Variants in DSCAM observed in about 807,000 individuals in gnomAD.
DSCAM encodes the protein DS cell adhesion molecule, also known as cell adhesion molecule DSCAM.
Under a neutral mutation model 217.7 loss-of-function variants are expected in DSCAM, and 47 were observed. The observed-to-expected ratio is 0.22, with a 90% confidence interval of 0.17 to 0.28. The LOEUF is 0.28. DSCAM is among the 10% of genes least tolerant of loss of function. The pLI is 1.00. For synonymous variants in DSCAM, 1,056 were observed against 1,015.3 expected, an observed-to-expected ratio of 1.04 and a Z score of -0.76; for missense variants, 2,080 against 2,618.3, an observed-to-expected ratio of 0.79 and a Z score of 4.49.
intron 1 of DSCAM, among the ~76,000 whole-genome samples, chr21:40,716,536 G>C (rs1419469986): frequency 6.6e-6 from 1 of 152,170 alleles, no homozygotes; most frequent in African/African-American, 2.4e-5. Context: ...TTGGAGAATT[G>C]TTTCTTCAGT....
intron 1 of DSCAM, among the ~76,000 whole-genome samples, chr21:40,716,073 A>G (rs2090838778): frequency 1.3e-5 from 2 of 152,230 alleles, no homozygotes; most frequent in Admixed American, 1.3e-4. Flanking sequence ...TAGCAGTTAA[A>G]GAGATAAGCG....
chr21:40,788,828 C>T (rs1006100706), intron 1 of DSCAM, among the ~76,000 whole-genome samples: 3 of 152,152 alleles, frequency 2.0e-5, no homozygotes, highest in African/African-American at 2.4e-5. Context: ...CAGATTATTG[C>T]AAGGACAGCA....
At chr21:40,605,212 C>T (rs944763184) in intron 3 of DSCAM, among the ~76,000 whole-genome samples, 6 of 152,198 alleles carry the variant, frequency 3.9e-5, no homozygotes, top group Admixed American at 1.3e-4. Flanking sequence ...TTACCATTTA[C>T]GTGTTCCTAC....
intron 11 of DSCAM, among the ~76,000 whole-genome samples, chr21:40,195,076 C>A (rs1659242269): frequency 6.6e-6 from 1 of 151,910 alleles, no homozygotes; most frequent in South Asian, 2.1e-4. Flanking sequence ...GAAAGTAAAC[C>A]CTTATTTATT....
At chr21:40,769,572 G>A (rs1416758010) in intron 1 of DSCAM, among the ~76,000 whole-genome samples, 1 of 152,180 alleles carries the variant, frequency 6.6e-6, no homozygotes, top group African/African-American at 2.4e-5. Flanking sequence ...CTGGAGAGGT[G>A]GATCTCATAG....
chr21:40,368,956 A>G, intron 4 of DSCAM, 143 bp downstream of exon 4: 2 of 893,618 alleles, frequency 2.2e-6, no homozygotes, highest in Non-Finnish European at 3.1e-6. Flanking sequence ...CATTTAAAAG[A>G]GTTTTAAAAT....
intron 11 of DSCAM, among the ~76,000 whole-genome samples, chr21:40,222,356 C>A (rs966980232): frequency 1.3e-5 from 2 of 152,102 alleles, no homozygotes; most frequent in Non-Finnish European, 2.9e-5. Context: ...TGTAAAAGAT[C>A]CAGAAACACT....
chr21:40,187,150 A>C lies in DSCAM; in HGVS notation c.2760T>G (p.Ile920Met). The C allele has an allele frequency of 6.2e-7, 1 of 1,613,722 alleles. No homozygotes were observed. Reference protein sequence around the residue: ...DGNSPITGYDIECKNKSDSWD... With the variant: ...DGNSPITGYDMECKNKSDSWD... ...ACTTACCTGATTTATTTTTGCATTC[A>C]ATATCGTAGCCTGTGATGGGACTGT... Residue 920 changes from isoleucine to methionine, a missense_variant, in exon 14 of 33, where the codon ATT becomes ATG. Coordinates refer to ENST00000400454, the MANE Select transcript of DSCAM (RefSeq NM_001389.5).
chr21:40,476,005 T>G (rs1193440900), intron 3 of DSCAM, among the ~76,000 whole-genome samples: 2 of 152,222 alleles, frequency 1.3e-5, no homozygotes, highest in Non-Finnish European at 2.9e-5. Context: ...CCTCCACAAG[T>G]GTTTCATCTT....
chr21:40,817,716 C>A (rs1005561528), intron 1 of DSCAM, among the ~76,000 whole-genome samples: 2 of 152,168 alleles, frequency 1.3e-5, no homozygotes, highest in African/African-American at 4.8e-5. Flanking sequence ...TAGGGACTTT[C>A]AAATTTACAG....
At chr21:40,359,248 A>G (rs2074730869) in intron 4 of DSCAM, among the ~76,000 whole-genome samples, 1 of 152,250 alleles carries the variant, frequency 6.6e-6, no homozygotes, top group South Asian at 2.1e-4. Flanking sequence ...CAGCCTTCAC[A>G]TCCACATCAC....
chr21:40,718,597 G>C (rs562982340), intron 1 of DSCAM, among the ~76,000 whole-genome samples: 1 of 152,068 alleles, frequency 6.6e-6, no homozygotes, highest in African/African-American at 2.4e-5. Context: ...CTGCCCCCAC[G>C]ATTCAATTAC....
chr21:40,712,741 T>A (rs1044834813), intron 1 of DSCAM, among the ~76,000 whole-genome samples: 7 of 152,004 alleles, frequency 4.6e-5, no homozygotes, highest in Non-Finnish European at 1.0e-4. Flanking sequence ...TTTTACAAAA[T>A]TACAACTCTT....
intron 3 of DSCAM, among the ~76,000 whole-genome samples, chr21:40,600,539 A>G (rs565502201): frequency 6.6e-6 from 1 of 152,294 alleles, no homozygotes; most frequent in African/African-American, 2.4e-5. Context: ...GCACCAACTT[A>G]TTAATTTGTC....
At position 40,186,925 on chromosome 21, in the gene DSCAM, A is replaced by C. The variant is rs543763744; in HGVS notation, c.2779+206T>G. On this transcript the variant is annotated intron_variant, in intron 14 of 32. Coordinates refer to ENST00000400454, the MANE Select transcript of DSCAM (RefSeq NM_001389.5). ...CTGAAGTCTGGGCTGGCTAAAAAAGAAAGAAGCAGAGCTGAGCCTCAACAC... is the reference window on the plus strand; with the variant it reads ...CTGAAGTCTGGGCTGGCTAAAAAAGCAAGAAGCAGAGCTGAGCCTCAACAC... 1.3e-3 allele frequency among the ~76,000 whole-genome samples: 197 copies of C among 152,312 alleles called. 8 individuals carry two copies. The South Asian group carries it at 0.039, about 30-fold the overall frequency.
chr21:40,347,820 G>A lies in DSCAM; in HGVS notation c.1060C>T (p.Leu354Phe). 3 of 1,614,188 alleles carry A rather than the reference G, an allele frequency of 1.9e-6. No homozygotes were observed. In the East Asian group the frequency reaches 6.7e-5, roughly 36 times the overall value. The change falls in exon 6 of 33, where the codon CTC (leucine) becomes TTC (phenylalanine). Residue 354 changes from leucine to phenylalanine, a missense_variant. Around this residue, in one of 5 missense-constraint regions of DSCAM, gnomAD observed 568 missense variants for 678.1 expected, o/e 0.84. Coordinates refer to ENST00000400454, the MANE Select transcript of DSCAM (RefSeq NM_001389.5). The part of the protein sequence containing the change: ...ELSWYRNGEI[L>F]NPGKNVRITG... ...ATCCTCACATTTTTTCCAGGGTTGA[G>A]GATTTCACCATTGCGGTACCAGGAG...
intron 1 of DSCAM, among the ~76,000 whole-genome samples, chr21:40,730,789 G>A (rs2146524687): frequency 6.6e-6 from 1 of 152,230 alleles, no homozygotes; most frequent in Non-Finnish European, 1.5e-5. Flanking sequence ...TGCATATTTT[G>A]GGGCACCTAG....
intron 16 of DSCAM, among the ~76,000 whole-genome samples, chr21:40,150,211 T>G (rs1418378566): frequency 6.6e-6 from 1 of 152,244 alleles, no homozygotes; most frequent in Non-Finnish European, 1.5e-5. Context: ...TCTCCAAAGT[T>G]GTATTTGGTA....
intron 20 of DSCAM, among the ~76,000 whole-genome samples, chr21:40,113,449 C>G (rs1845062508): frequency 6.6e-6 from 1 of 152,134 alleles, no homozygotes; most frequent in Non-Finnish European, 1.5e-5. Context: ...AACCCACAGC[C>G]AATATCATAC....
Sources: allele counts gnomAD v4.1 joint callset (sites outside exome capture counted in the v4.1 genomes callset), GRCh38; gene constraint gnomAD v4.1.1; regional missense constraint gnomAD v4.1.1; transcripts MANE v1.5; gene names NCBI Gene and HGNC (gene_info 2026-07-23, HGNC 2026-07-21).